Variants in TENM2 observed in about 807,000 individuals in gnomAD.
TENM2 encodes teneurin transmembrane protein 2.
Under a neutral mutation model 245.2 loss-of-function variants are expected in TENM2, and 52 were observed. That is an observed-to-expected ratio of 0.21 (90% CI 0.17 to 0.27). The LOEUF is 0.27. Ranked by LOEUF, TENM2 falls within the 10% of genes least tolerant of loss-of-function variation. The pLI, the probability that TENM2 is intolerant of heterozygous loss-of-function variation, is 1.00. For missense variants in TENM2, 3,046 were observed against 3,666.8 expected (o/e 0.83, Z 4.37); for synonymous variants, 1,363 against 1,438.9 (o/e 0.95, Z 1.19).
intron 2 of TENM2, among the ~76,000 whole-genome samples, chr5:167,421,464 T>C (rs1763502898): frequency 6.6e-6 from 1 of 152,170 alleles, no homozygotes; most frequent in Admixed American, 6.5e-5. Context: ...GTCCCTGAGG[T>C]GTTTAAAGAG....
At chr5:167,064,804 T>A in the TENM2 span, among the ~76,000 whole-genome samples, 1 of 152,210 alleles carries the variant, frequency 6.6e-6, no homozygotes, top group East Asian at 1.9e-4. Flanking sequence ...TTACAAATAG[T>A]AACAAAAAAT....
At chr5:167,095,532 G>GTA in the TENM2 span, among the ~76,000 whole-genome samples, 15 of 152,066 alleles carry the variant, frequency 9.9e-5, 1 homozygote, top group Admixed American at 9.8e-4. Flanking sequence ...GTTTTATTAT[G>GTA]TATACCACGG....
chr5:167,614,917 C>T (rs958807848), intron 2 of TENM2, among the ~76,000 whole-genome samples: 1 of 152,096 alleles, frequency 6.6e-6, no homozygotes, highest in Non-Finnish European at 1.5e-5. Context: ...AGAGGGTGAT[C>T]TCCCCTATCT....
intron 4 of TENM2, among the ~76,000 whole-genome samples, chr5:167,954,576 C>G (rs907978619): frequency 1.3e-5 from 2 of 152,122 alleles, no homozygotes; most frequent in African/African-American, 4.8e-5. Flanking sequence ...ATCAACTGGT[C>G]ATCTATATTA....
At chr5:167,505,389 G>A (rs1304511756) in intron 2 of TENM2, among the ~76,000 whole-genome samples, 4 of 152,262 alleles carry the variant, frequency 2.6e-5, no homozygotes, top group Non-Finnish European at 4.4e-5. Flanking sequence ...AGAAGAATGT[G>A]TGAAGGTATT....
chr5:167,132,931 G>T, the TENM2 span, among the ~76,000 whole-genome samples: 1 of 152,204 alleles, frequency 6.6e-6, no homozygotes, highest in Non-Finnish European at 1.5e-5. Context: ...AAGTGTGGAA[G>T]CTCTCTTAGG....
chr5:167,071,582 C>T, the TENM2 span, among the ~76,000 whole-genome samples: 1 of 152,078 alleles, frequency 6.6e-6, no homozygotes, highest in African/African-American at 2.4e-5. Flanking sequence ...AATCCTATAC[C>T]TACCATTCTC....
the TENM2 span, among the ~76,000 whole-genome samples, chr5:167,071,161 G>C: frequency 6.6e-6 from 1 of 151,924 alleles, no homozygotes; most frequent in Admixed American, 6.6e-5. Flanking sequence ...TAATTATAAA[G>C]GTAATTTTTT....
intron 2 of TENM2, among the ~76,000 whole-genome samples, chr5:167,453,526 G>A (rs1315324449): frequency 6.6e-6 from 1 of 152,150 alleles, no homozygotes; most frequent in African/African-American, 2.4e-5. Flanking sequence ...TCCACTGGTT[G>A]TGTGACTTTG....
At chr5:167,257,486 A>C in the TENM2 span, among the ~76,000 whole-genome samples, 1 of 152,092 alleles carries the variant, frequency 6.6e-6, no homozygotes, top group Non-Finnish European at 1.5e-5. Context: ...TGGGACAAGA[A>C]TGATAAGAAT....
At chr5:168,194,549 A>AG (rs1761219024) in intron 14 of TENM2, among the ~76,000 whole-genome samples, 1 of 152,166 alleles carries the variant, frequency 6.6e-6, no homozygotes, top group Non-Finnish European at 1.5e-5. Context: ...TATTTCTAGC[A>AG]GAAAAAAAGT....
At chr5:167,580,553 G>C (rs957614539) in intron 2 of TENM2, among the ~76,000 whole-genome samples, 1 of 152,230 alleles carries the variant, frequency 6.6e-6, no homozygotes, top group Non-Finnish European at 1.5e-5. Flanking sequence ...ATACCACAAG[G>C]AGGCTGAAAT....
At chr5:168,099,876 G>T (rs1216554312) in intron 9 of TENM2, among the ~76,000 whole-genome samples, 1 of 152,166 alleles carries the variant, frequency 6.6e-6, no homozygotes, top group African/African-American at 2.4e-5. Flanking sequence ...CACACAGTAT[G>T]GTGAAAGCTT....
intron 13 of TENM2, among the ~76,000 whole-genome samples, chr5:168,177,503 G>T (rs1157720782): frequency 6.6e-6 from 1 of 152,078 alleles, no homozygotes; most frequent in East Asian, 1.9e-4. Flanking sequence ...TTGGCAGTAT[G>T]ATACTAATTC....
At chr5:167,946,488 G>A (rs32409) in intron 3 of TENM2, among the ~76,000 whole-genome samples, 16,957 of 152,236 alleles carry the variant, frequency 0.11, 1,030 homozygotes, top group African/African-American at 0.17. Flanking sequence ...TCCGTGAGGT[G>A]GTGCAGAGCT....
chr5:167,606,344 G>T (rs545514384), intron 2 of TENM2, among the ~76,000 whole-genome samples: 4 of 152,174 alleles, frequency 2.6e-5, no homozygotes, highest in Non-Finnish European at 5.9e-5. Context: ...TGATGCCCTT[G>T]ATTCTCAAAT....
At chr5:167,105,219 C>G in the TENM2 span, among the ~76,000 whole-genome samples, 2 of 152,152 alleles carry the variant, frequency 1.3e-5, no homozygotes, top group African/African-American at 4.8e-5. Context: ...ACTTAAGAGG[C>G]TAAATTCTCA....
the TENM2 span, among the ~76,000 whole-genome samples, chr5:167,226,438 T>A: frequency 1.9e-4 from 29 of 152,032 alleles, no homozygotes; most frequent in Admixed American, 1.9e-3. Context: ...TTAGTATCCA[T>A]GTGCTTGTAT....
At chr5:168,085,993 C>T (rs1290889141) in intron 7 of TENM2, among the ~76,000 whole-genome samples, 2 of 152,210 alleles carry the variant, frequency 1.3e-5, no homozygotes, top group African/African-American at 2.4e-5. Flanking sequence ...TTTTCCCATT[C>T]GTGTTGACCC....
Sources: allele counts gnomAD v4.1 joint callset (sites outside exome capture counted in the v4.1 genomes callset), GRCh38; gene constraint gnomAD v4.1.1; transcripts MANE v1.5; gene names NCBI Gene and HGNC (gene_info 2026-07-23, HGNC 2026-07-21).